SYN2: variants seen among roughly 807,000 people sequenced by gnomAD.
SYN2 encodes the protein synapsin-2.
A neutral mutation model predicts 50.9 loss-of-function variants in SYN2; 19 were observed. The ratio of observed to expected loss-of-function variants is 0.37; its 90% confidence interval spans 0.26 to 0.55. The LOEUF is 0.55. SYN2 is among the 20% of genes least tolerant of loss of function. The pLI, the probability that SYN2 is intolerant of heterozygous loss-of-function variation, is 0.81. For synonymous variants in SYN2, 255 were observed against 224.9 expected, an observed-to-expected ratio of 1.13 and a Z score of -1.20; for missense variants, 587 against 576.4, an observed-to-expected ratio of 1.02 and a Z score of -0.19.
At chr3:12,161,517 C>A in intron 5 of SYN2, 29 bp from the exon 6 acceptor site, 1 of 1,613,084 alleles carries the variant, frequency 6.2e-7, no homozygotes. Flanking sequence ...CACACTCTGA[C>A]AGTTTATTCA....
At chr3:12,104,448 T>C (rs974882497) in intron 1 of SYN2, among the ~76,000 whole-genome samples, 12 of 151,548 alleles carry the variant, frequency 7.9e-5, no homozygotes, top group Admixed American at 6.6e-5. Flanking sequence ...AGTAAAGATA[T>C]AGGACATTTG....
At chr3:12,119,754 G>A (rs1696511953) in intron 1 of SYN2, among the ~76,000 whole-genome samples, 1 of 152,116 alleles carries the variant, frequency 6.6e-6, no homozygotes. Flanking sequence ...TTGCTCCTTA[G>A]CTGCCTATTT....
intron 1 of SYN2, among the ~76,000 whole-genome samples, chr3:12,065,858 A>G (rs1006398936): frequency 3.3e-5 from 5 of 152,206 alleles, no homozygotes; most frequent in African/African-American, 1.2e-4. Flanking sequence ...CTAAAATAAA[A>G]GTTGAAATTA....
At chr3:12,159,076 C>T (rs957963686) in intron 5 of SYN2, 3 of 528,394 alleles carry the variant, frequency 5.7e-6, no homozygotes, top group African/African-American at 2.0e-5. Flanking sequence ...TGGAAGGAGG[C>T]CCTGACCTCT....
chr3:12,066,672 C>G (rs1695223840), intron 1 of SYN2, among the ~76,000 whole-genome samples: 1 of 152,000 alleles, frequency 6.6e-6, no homozygotes, highest in Non-Finnish European at 1.5e-5. Flanking sequence ...TGCTGGAGTT[C>G]CAGCATCACA....
At chr3:12,161,752 G>T in intron 6 of SYN2, 144 bp downstream of exon 6, 1 of 1,086,334 alleles carries the variant, frequency 9.2e-7, no homozygotes, top group African/African-American at 1.5e-5. Context: ...AAAGCCATGA[G>T]TGTCACCCAA....
chr3:12,024,771 A>G (rs1694218861), intron 1 of SYN2, among the ~76,000 whole-genome samples: 1 of 152,226 alleles, frequency 6.6e-6, no homozygotes, highest in Non-Finnish European at 1.5e-5. Flanking sequence ...GTTGGTGATT[A>G]TAAGCTCTTA....
intron 12 of SYN2, among the ~76,000 whole-genome samples, chr3:12,189,628 C>T (rs1417854964): frequency 6.6e-6 from 1 of 152,046 alleles, no homozygotes; most frequent in Non-Finnish European, 1.5e-5. Context: ...CCAAGTGAAA[C>T]CCCATCTCTA....
chr3:12,158,896 CA>C, intron 5 of SYN2: 1 of 1,466,226 alleles, frequency 6.8e-7, no homozygotes, highest in East Asian at 2.5e-5. Flanking sequence ...ACGGCCCCAG[CA>C]GGGCTCCTTC....
chr3:12,176,580 TCCTA>T (rs1698073394), intron 10 of SYN2, among the ~76,000 whole-genome samples: 1 of 152,160 alleles, frequency 6.6e-6, no homozygotes, highest in Non-Finnish European at 1.5e-5. Flanking sequence ...GAACCTCTTC[TCCTA>T]CCCTGAGCTG....
chr3:12,080,263 A>AT (rs751722396), intron 1 of SYN2, among the ~76,000 whole-genome samples: 3,314 of 144,274 alleles, frequency 0.023, 65 homozygotes, highest in African/African-American at 0.061. Flanking sequence ...GGATTCATTG[A>AT]TTTTTTTTTT....
At chr3:12,014,115 A>G (rs1693972128) in intron 1 of SYN2, among the ~76,000 whole-genome samples, 1 of 152,180 alleles carries the variant, frequency 6.6e-6, no homozygotes, top group Admixed American at 6.5e-5. Context: ...TCTGGACACA[A>G]CACAATGGTC....
intron 1 of SYN2, among the ~76,000 whole-genome samples, chr3:12,085,872 A>G (rs1234643236): frequency 6.6e-6 from 1 of 152,168 alleles, no homozygotes; most frequent in Admixed American, 6.5e-5. Flanking sequence ...TCCCAAACTT[A>G]GCAGAAGGAA....
chr3:12,073,914 T>C (rs1160604537), intron 1 of SYN2, among the ~76,000 whole-genome samples: 2 of 152,184 alleles, frequency 1.3e-5, no homozygotes, highest in Non-Finnish European at 2.9e-5. Context: ...TTATTCTTAA[T>C]CTATCAATTA....
At chr3:12,012,344 C>T (rs1045537595) in intron 1 of SYN2, among the ~76,000 whole-genome samples, 1 of 152,128 alleles carries the variant, frequency 6.6e-6, no homozygotes, top group African/African-American at 2.4e-5. Flanking sequence ...GAGAGAAATA[C>T]ACAGAAGGCC....
At chr3:12,087,054 C>A (rs1417605203) in intron 1 of SYN2, among the ~76,000 whole-genome samples, 1 of 152,014 alleles carries the variant, frequency 6.6e-6, no homozygotes, top group Non-Finnish European at 1.5e-5. Flanking sequence ...ATAGCATTTC[C>A]ATATACTAAC....
At chr3:12,064,696 A>G (rs1468918401) in intron 1 of SYN2, among the ~76,000 whole-genome samples, 1 of 152,140 alleles carries the variant, frequency 6.6e-6, no homozygotes, top group Non-Finnish European at 1.5e-5. Flanking sequence ...TACACTCCAT[A>G]GGACAACTAT....
intron 1 of SYN2, among the ~76,000 whole-genome samples, chr3:12,079,377 G>A (rs886897357): frequency 1.5e-4 from 23 of 152,130 alleles, no homozygotes; most frequent in African/African-American, 5.3e-4. Context: ...CTTGTCTTGT[G>A]CTGGTTTTCA....
At chr3:12,141,460 C>T (rs1248650834) in intron 2 of SYN2, among the ~76,000 whole-genome samples, 2 of 152,168 alleles carry the variant, frequency 1.3e-5, no homozygotes, top group African/African-American at 2.4e-5. Context: ...AAGTAACTTG[C>T]TTAATGTTTT....
Sources: allele counts gnomAD v4.1 joint callset (sites outside exome capture counted in the v4.1 genomes callset), GRCh38; gene constraint gnomAD v4.1.1; transcripts MANE v1.5; gene names NCBI Gene and HGNC (gene_info 2026-07-23, HGNC 2026-07-21).